STX5: variants seen among roughly 807,000 people sequenced by gnomAD.
The protein encoded by STX5 is syntaxin-5.
A neutral mutation model predicts 42.9 loss-of-function variants in STX5; 15 were observed. The ratio of observed to expected loss-of-function variants is 0.35; its 90% CI spans 0.23 to 0.54. The LOEUF (loss-of-function observed/expected upper bound fraction) is 0.54, where lower values mean the gene tolerates loss of function less well. STX5 is among the 20% of genes least tolerant of loss of function. The pLI, the probability that STX5 is intolerant of heterozygous loss-of-function variation, is 0.91. For missense variants in STX5, 430 were observed against 455.0 expected, an observed-to-expected ratio of 0.95 and a Z score of 0.50; for synonymous variants, 184 against 173.2, an observed-to-expected ratio of 1.06 and a Z score of -0.49.
At chr11:62,820,497 T>G (rs920311653) in intron 10 of STX5, among the ~76,000 whole-genome samples, 4 of 151,402 alleles carry the variant, frequency 2.6e-5, no homozygotes, top group African/African-American at 9.7e-5. Context: ...GATTTAGGGC[T>G]GCCATTTTAC....
chr11:62,830,397 T>G (rs1347112062), intron 2 of STX5: 2 of 375,772 alleles, frequency 5.3e-6, no homozygotes, highest in African/African-American at 2.1e-5. Context: ...CGAAAAAATT[T>G]TAAAATTAGC....
At chr11:62,827,710 C>T in intron 2 of STX5, 79 bp from the exon 3 acceptor site, 1 of 1,443,726 alleles carries the variant, frequency 6.9e-7, no homozygotes, top group South Asian at 1.2e-5. Flanking sequence ...GAGGTGTCCA[C>T]TAACCTATCT....
At chr11:62,819,496 T>G (rs935826444) in intron 10 of STX5, among the ~76,000 whole-genome samples, 3 of 151,974 alleles carry the variant, frequency 2.0e-5, no homozygotes, top group African/African-American at 7.3e-5. Context: ...TCCTCTTAAT[T>G]TCTTTAAAAT....
Position 62,807,385 on chromosome 11 carries a change from T to A in STX5, c.*84A>T. The A allele has an allele frequency of 6.5e-7, 1 of 1,544,188 alleles. No homozygotes were observed. Among genetic ancestry groups the A allele is most frequent in the Admixed American group, 1.9e-5 (1 of 51,634 alleles). On this transcript the variant is annotated 3_prime_UTR_variant, in exon 11 of 11. Transcript: ENST00000294179. ...AACAGGGCCTTTCTCCCAAGTACCC[T>A]GCACAGGCTCAGTGGCAGCACTGGC...
chr11:62,818,732 G>T (rs1046981142), intron 10 of STX5, among the ~76,000 whole-genome samples: 1 of 151,078 alleles, frequency 6.6e-6, no homozygotes, highest in Non-Finnish European at 1.5e-5. Flanking sequence ...GTGTGGTGGT[G>T]TATGCCTGTA....
chr11:62,831,168 G>T lies in STX5; in HGVS notation c.76C>A (p.Leu26Met), dbSNP rs868379545. Residue 26 changes from leucine (L) to methionine (M), a missense_variant, in exon 2 of 11, where the codon CTG becomes ATG. Leu to Met is a conservative substitution (Grantham distance 15). Transcript: ENST00000294179. ...VYLGLSKTQV[L>M]SPATAGSSSS... is the part of the protein sequence containing the mutation. ...CTACTGCCAGCAGTTGCAGGGGACA[G>T]GACCTGTGTCTTTGAGAGACCCAGG... 1 of 1,563,764 alleles carries T rather than the reference G, an allele frequency of 6.4e-7. No homozygotes were observed. The highest frequency in any genetic ancestry group is 2.3e-5 in the East Asian group (1 of 43,062).
intron 10 of STX5, among the ~76,000 whole-genome samples, chr11:62,816,510 G>C (rs552586322): frequency 1.3e-5 from 2 of 152,018 alleles, no homozygotes; most frequent in East Asian, 3.9e-4. Flanking sequence ...TGAGCTTCTG[G>C]CCTCAAGCAA....
chr11:62,831,087 C>T lies in STX5; in HGVS notation c.157G>A (p.Asp53Asn), dbSNP rs1259616768. Residue 53 changes from aspartate to asparagine, a missense_variant, in exon 2 of 11, where the codon GAC (aspartate) becomes AAC (asparagine). Asp to Asn is a conservative substitution (Grantham distance 23, BLOSUM62 1). Coordinates refer to ENST00000294179, the MANE Select transcript of STX5 (RefSeq NM_003164.5). Reference sequence around the variant, plus strand: ...GTCCGATCCCGGCAGGACATGGTGTCGGGAGGGGGAGGGACGAGGGTCACT... The same window carrying T: ...GTCCGATCCCGGCAGGACATGGTGTTGGGAGGGGGAGGGACGAGGGTCACT... ...PPVTLVPPPP[D>N]TMSCRDRTQE... 4 of 1,524,764 alleles carry T rather than the reference C, an allele frequency of 2.6e-6. No homozygotes were observed. The highest frequency in any genetic ancestry group is 8.8e-7 in the Non-Finnish European group (1 of 1,131,086). The allele number at this position is 1,524,764 out of a possible 1,614,324, so 94.5% of individuals were successfully genotyped here.
chr11:62,828,614 T>G (rs956430845), intron 2 of STX5, among the ~76,000 whole-genome samples: 1 of 151,942 alleles, frequency 6.6e-6, no homozygotes, highest in African/African-American at 2.4e-5. Context: ...TAGTCCCAGC[T>G]ACTCAGCAGG....
intron 2 of STX5, among the ~76,000 whole-genome samples, chr11:62,829,694 G>A (rs959618914): frequency 6.6e-6 from 1 of 152,036 alleles, no homozygotes; most frequent in Non-Finnish European, 1.5e-5. Context: ...AGCCCAGGAG[G>A]TCAGATGTTG....
At chr11:62,829,126 T>C (rs1389303030) in intron 2 of STX5, among the ~76,000 whole-genome samples, 1 of 151,818 alleles carries the variant, frequency 6.6e-6, no homozygotes, top group Non-Finnish European at 1.5e-5. Context: ...ACTGGGATTG[T>C]TGAAAAAAAC....
At chr11:62,830,262 A>T (rs574969480) in intron 2 of STX5, 260 of 193,818 alleles carry the variant, frequency 1.3e-3, no homozygotes, top group African/African-American at 5.6e-3. Flanking sequence ...AGGCCTCCCA[A>T]AGTGCTGGAA....
intron 10 of STX5, among the ~76,000 whole-genome samples, chr11:62,818,846 G>GA (rs1224307763): frequency 2.7e-5 from 4 of 146,404 alleles, no homozygotes; most frequent in Admixed American, 6.8e-5. Context: ...CCTGTCTCAG[G>GA]AAAAAATAAA....
chr11:62,808,598 TAATA>T (rs1178568578), intron 10 of STX5, among the ~76,000 whole-genome samples: 9 of 152,036 alleles, frequency 5.9e-5, no homozygotes, highest in African/African-American at 9.7e-5. Context: ...AAAAAAATAA[TAATA>T]AATAAGTATA....
chr11:62,815,976 A>C (rs2084669041), intron 10 of STX5: 2 of 152,162 alleles, frequency 1.3e-5, no homozygotes, highest in South Asian at 4.1e-4. Context: ...AAAAATACAG[A>C]AAGCTTCACA....
chr11:62,827,502 G>GCAT, intron 3 of STX5, 59 bp downstream of exon 3: 1 of 1,612,540 alleles, frequency 6.2e-7, no homozygotes, highest in South Asian at 1.1e-5. Context: ...GCCACTGATT[G>GCAT]CAAGTCTACT....
Position 62,831,247 on chromosome 11 carries a change from G to T in STX5, c.-4C>A. Reference sequence around the variant, plus strand: ...CGTAGCGTTTCCGCGGGATCATTGAGACGCATAACCTCGGACTGTTGTGGA... The same window carrying T: ...CGTAGCGTTTCCGCGGGATCATTGATACGCATAACCTCGGACTGTTGTGGA... On this transcript the variant is annotated 5_prime_UTR_variant, in exon 2 of 11. Transcript: ENST00000294179. The T allele has an allele frequency of 6.4e-7, 1 of 1,557,586 alleles. No individual in the cohort carries two copies. Among genetic ancestry groups the T allele is most frequent in the East Asian group, 2.4e-5 (1 of 42,490 alleles).
At chr11:62,816,634 T>A (rs2084675948) in intron 10 of STX5, among the ~76,000 whole-genome samples, 1 of 151,410 alleles carries the variant, frequency 6.6e-6, no homozygotes, top group South Asian at 2.1e-4. Context: ...TATCAGCTAT[T>A]ACTCCATTTC....
intron 1 of STX5, 53 bp downstream of exon 1, chr11:62,831,901 C>T: frequency 2.2e-6 from 1 of 457,660 alleles, no homozygotes; most frequent in East Asian, 6.9e-5. Context: ...CCCGTAAAAC[C>T]ACTGCCCCAG....
Sources: allele counts gnomAD v4.1 joint callset (sites outside exome capture counted in the v4.1 genomes callset), GRCh38; gene constraint gnomAD v4.1.1; transcripts MANE v1.5; gene names NCBI Gene and HGNC (gene_info 2026-07-23, HGNC 2026-07-21).